Variants in ZNF577 observed in about 807,000 individuals in gnomAD.
ZNF577 encodes zinc finger protein 577.
A neutral mutation model predicts 13.9 loss-of-function variants in ZNF577; 14 were observed. The ratio of observed to expected loss-of-function variants is 1.00; its 90% CI spans 0.66 to 1.57. The LOEUF (loss-of-function observed/expected upper bound fraction) is 1.57, where lower values mean the gene tolerates loss of function less well. ZNF577 is among the 40% of genes most tolerant of loss of function. ZNF577 has a pLI of 0.00. For synonymous variants in ZNF577, 203 were observed against 202.9 expected (o/e 1.00, Z 0.00); for missense variants, 555 against 579.2 (o/e 0.96, Z 0.43).
intron 1 of ZNF577, among the ~76,000 whole-genome samples, chr19:51,884,796 G>A (rs868598519): frequency 2.6e-5 from 4 of 152,146 alleles, no homozygotes; most frequent in African/African-American, 9.7e-5. Flanking sequence ...TTATTAAAAT[G>A]CAATTGAAAA....
chr19:51,828,169 AC>A (rs1444165184), intron 9 of ZNF577, among the ~76,000 whole-genome samples: 8 of 152,132 alleles, frequency 5.3e-5, no homozygotes, highest in Non-Finnish European at 1.0e-4. Context: ...AGAGTTCTAG[AC>A]CAGCCTGGCC....
At position 51,871,860 on chromosome 19, in the gene ZNF577, C is replaced by G. The variant is rs1228983895; in HGVS notation, c.*672G>C. Reference sequence around the variant, plus strand: ...CTAGAGCCTCCAAAAAGAAAAGCAGCCCTGTCAACAGCTTGATGTAGCCCC... The same window carrying G: ...CTAGAGCCTCCAAAAAGAAAAGCAGGCCTGTCAACAGCTTGATGTAGCCCC... On this transcript the variant is annotated 3_prime_UTR_variant, in exon 6 of 6. Transcript: ENST00000638348. 6.6e-6 allele frequency: 1 copy of G among 152,144 alleles called. No individual in the cohort carries two copies. The highest frequency in any genetic ancestry group is 1.5e-5 in the Non-Finnish European group (1 of 68,034). The allele number at this position is 152,144 out of a possible 1,614,324, so 9.4% of individuals were successfully genotyped here.
rs117747967 is a variant in ZNF577 at position 51,883,933 on chromosome 19, G to C, written c.-219+2888C>G. 9.9e-3 allele frequency among the ~76,000 whole-genome samples: 1,504 copies of C among 152,046 alleles called. 14 individuals are homozygous for C. Among genetic ancestry groups the C allele is most frequent in the South Asian group, 0.019 (91 of 4,806 alleles). ...ACAAAAAAATACAAAAATTAGCCTGGTGTGGTGGCAGATGCCTGTAAGCCC... is the reference window on the plus strand; with the variant it reads ...ACAAAAAAATACAAAAATTAGCCTGCTGTGGTGGCAGATGCCTGTAAGCCC... On this transcript the variant is annotated intron_variant, in intron 1 of 5. Transcript: ENST00000638348.
At chr19:51,843,244 C>G (rs1419731237) in exon 7 of ZNF577, 1 of 154,816 alleles carries the variant, frequency 6.5e-6, no homozygotes, top group Non-Finnish European at 1.4e-5. Context: ...AGAGGTTCTT[C>G]TGAACAGGGT....
intron 10 of ZNF577, among the ~76,000 whole-genome samples, chr19:51,808,838 A>G (rs7253182): frequency 0.37 from 56,727 of 152,048 alleles, 11,079 homozygotes; most frequent in South Asian, 0.52. Context: ...GAGAATTCCA[A>G]GCTTATGTGT....
chr19:51,881,079 G>A (rs1327828765), intron 1 of ZNF577, among the ~76,000 whole-genome samples: 1 of 152,028 alleles, frequency 6.6e-6, no homozygotes, highest in Non-Finnish European at 1.5e-5. Context: ...TTTTGGTTAT[G>A]TCAGAAATAG....
intron 1 of ZNF577, among the ~76,000 whole-genome samples, chr19:51,882,986 A>T (rs1002818470): frequency 6.8e-6 from 1 of 146,036 alleles, no homozygotes; most frequent in East Asian, 2.0e-4. Context: ...TGGGCTTTTT[A>T]AAAAAAATTT....
downstream of ZNF577, chr19:51,862,787 T>C (rs79447761): frequency 0.048 from 7,305 of 152,430 alleles, 377 homozygotes; most frequent in South Asian, 0.25. Flanking sequence ...AAAGCCTTTT[T>C]TGAGAAGGCT....
At chr19:51,845,124 A>G (rs1229925908) in intron 5 of ZNF577, among the ~76,000 whole-genome samples, 2 of 152,222 alleles carry the variant, frequency 1.3e-5, no homozygotes, top group Admixed American at 6.5e-5. Context: ...ACTAATTAAC[A>G]TATGTATTAC....
intron 5 of ZNF577, among the ~76,000 whole-genome samples, chr19:51,874,487 T>TA (rs71900163): frequency 0.12 from 17,278 of 144,098 alleles, 1,278 homozygotes; most frequent in Middle Eastern, 0.17. Flanking sequence ...TTAGGTGTGA[T>TA]AAAAAAAAAA....
chr19:51,839,319 A>T (rs1056746423), intron 9 of ZNF577, among the ~76,000 whole-genome samples: 3 of 152,162 alleles, frequency 2.0e-5, no homozygotes, highest in African/African-American at 7.2e-5. Flanking sequence ...ACTTGAGCCC[A>T]GGAGGTTGAG....
At chr19:51,817,864 T>C (rs1323477245) in intron 9 of ZNF577, 2 of 152,224 alleles carry the variant, frequency 1.3e-5, no homozygotes, top group Non-Finnish European at 1.5e-5. Flanking sequence ...ATCTAAAAAT[T>C]ATTGTTGGAA....
chr19:51,819,818 C>A (rs1045197502), intron 9 of ZNF577, among the ~76,000 whole-genome samples: 1 of 152,054 alleles, frequency 6.6e-6, no homozygotes, highest in African/African-American at 2.4e-5. Context: ...AGATTGGTTT[C>A]TTTTTAAAGG....
downstream of ZNF577, among the ~76,000 whole-genome samples, chr19:51,863,927 T>C (rs948081293): frequency 2.0e-5 from 3 of 152,188 alleles, no homozygotes; most frequent in African/African-American, 7.2e-5. Context: ...TTTTCATTAA[T>C]AAGTAAACAA....
Position 51,835,240 on chromosome 19 carries a change from T to C in ZNF577, c.*599+4653A>G, listed in dbSNP as rs375026879. On this transcript the variant is annotated intron_variant and NMD_transcript_variant, in intron 9 of 10. Transcript: ENST00000638827. ...AAAAAAGGAACATTATTACAGAGAC[T>C]AAACACACTAAAATGATATTACAAA... 2.0e-5 allele frequency among the ~76,000 whole-genome samples: 3 copies of C among 152,164 alleles called. No individual in the cohort carries two copies. The East Asian group carries it at 5.8e-4, about 29-fold the overall frequency.
At chr19:51,878,266 T>C in intron 4 of ZNF577, 123 bp downstream of exon 4, 1 of 1,099,350 alleles carries the variant, frequency 9.1e-7, no homozygotes. Flanking sequence ...TTATATATTT[T>C]ACCACCACAA....
intron 9 of ZNF577, chr19:51,826,096 AT>A (rs1233915605): frequency 6.4e-6 from 1 of 156,378 alleles, no homozygotes; most frequent in African/African-American, 2.4e-5. Context: ...TGATCATATT[AT>A]TTTTATTCTT....
intron 9 of ZNF577, among the ~76,000 whole-genome samples, chr19:51,837,113 T>C (rs913884428): frequency 6.6e-6 from 1 of 151,920 alleles, no homozygotes; most frequent in Non-Finnish European, 1.5e-5. Flanking sequence ...CAGACTTTAT[T>C]CCAGCAAAAG....
At chr19:51,850,113 G>A (rs1245419752) in intron 5 of ZNF577, among the ~76,000 whole-genome samples, 1 of 152,176 alleles carries the variant, frequency 6.6e-6, no homozygotes, top group Non-Finnish European at 1.5e-5. Context: ...TGGAACTTAT[G>A]AAGTAAAGCA....
Sources: allele counts gnomAD v4.1 joint callset (sites outside exome capture counted in the v4.1 genomes callset), GRCh38; gene constraint gnomAD v4.1.1; transcripts MANE v1.5; gene names NCBI Gene and HGNC (gene_info 2026-07-23, HGNC 2026-07-21).